ATG4C: variants seen among roughly 807,000 people sequenced by gnomAD.
The protein encoded by ATG4C is cysteine protease ATG4C.
A neutral mutation model predicts 57.6 loss-of-function variants in ATG4C; 56 were observed. The observed-to-expected ratio is 0.97, with a 90% CI of 0.78 to 1.21. The LOEUF is 1.21. ATG4C is among the 50% of genes most tolerant of loss of function. The probability of loss-of-function intolerance (pLI) is 0.00; values close to 1 mark genes in which losing one functional copy is unlikely to be tolerated. For synonymous variants in ATG4C, 157 were observed against 174.1 expected (o/e 0.90, Z 0.78); for missense variants, 595 against 529.8 (o/e 1.12, Z -1.21).
intron 3 of ATG4C, among the ~76,000 whole-genome samples, chr1:62,815,305 A>T (rs890803310): frequency 6.6e-6 from 1 of 151,680 alleles, no homozygotes. Flanking sequence ...TAGTGGTTTA[A>T]GGTTTATAGT....
At chr1:62,858,412 C>G (rs997630883) in intron 10 of ATG4C, among the ~76,000 whole-genome samples, 3 of 152,054 alleles carry the variant, frequency 2.0e-5, no homozygotes, top group Non-Finnish European at 4.4e-5. Flanking sequence ...TCACCTAACC[C>G]CTCAATATTT....
intron 10 of ATG4C, among the ~76,000 whole-genome samples, chr1:62,862,944 T>A (rs1414868861): frequency 6.6e-6 from 1 of 152,058 alleles, no homozygotes; most frequent in Non-Finnish European, 1.5e-5. Context: ...ATATAAATAC[T>A]GTATTCTTTT....
At chr1:62,844,229 G>C (rs1236691635) in intron 10 of ATG4C, among the ~76,000 whole-genome samples, 1 of 152,136 alleles carries the variant, frequency 6.6e-6, no homozygotes, top group Non-Finnish European at 1.5e-5. Flanking sequence ...ACACAGTCTT[G>C]TGTGCCAAAT....
At chr1:62,816,892 T>C (rs1665297170) in intron 4 of ATG4C, 84 bp downstream of exon 4, 4 of 1,044,146 alleles carry the variant, frequency 3.8e-6, no homozygotes, top group Non-Finnish European at 5.4e-6. Flanking sequence ...GCTTACAAAC[T>C]GCATGAAATT....
intron 1 of ATG4C, among the ~76,000 whole-genome samples, chr1:62,793,011 C>T (rs373316277): frequency 2.2e-4 from 33 of 151,836 alleles, no homozygotes; most frequent in African/African-American, 6.8e-4. Context: ...CTTAACCTCC[C>T]GAGTAGCTGG....
In ATG4C at chr1:62,804,607, A is replaced by G. The variant is rs148377594; in HGVS notation, c.77-565A>G. ...TAGACTGTAAAGTTCGTGCACTGAT[A>G]CCTCTGATTTTTCTCCTAGATATTA... is the stretch of plus-strand genomic sequence containing the variant. On this transcript the variant is annotated intron_variant, in intron 2 of 10. Coordinates refer to ENST00000317868, the MANE Select transcript of ATG4C (RefSeq NM_032852.4). Among the ~76,000 whole-genome samples, 33 of 152,154 alleles carry G rather than the reference A, an allele frequency of 2.2e-4. 1 individual carries two copies. In the East Asian group the frequency reaches 6.4e-3, roughly 29 times the overall value.
chr1:62,785,252 C>T (rs147031701), intron 1 of ATG4C: 1 of 152,240 alleles, frequency 6.6e-6, no homozygotes, highest in East Asian at 1.9e-4. Flanking sequence ...AGTGGAAAGG[C>T]TTTGAAAGGT....
chr1:62,820,702 A>G (rs1395884325), intron 5 of ATG4C, among the ~76,000 whole-genome samples: 2 of 152,024 alleles, frequency 1.3e-5, no homozygotes, highest in East Asian at 3.8e-4. Flanking sequence ...ATGAAGGAAA[A>G]AAGTCATGCT....
intron 10 of ATG4C, among the ~76,000 whole-genome samples, chr1:62,849,196 T>A (rs1396795132): frequency 6.6e-6 from 1 of 152,306 alleles, no homozygotes; most frequent in East Asian, 1.9e-4. Context: ...CATACCCAGT[T>A]GACCAGAATG....
At chr1:62,862,997 G>A (rs1332146075) in intron 10 of ATG4C, among the ~76,000 whole-genome samples, 1 of 151,922 alleles carries the variant, frequency 6.6e-6, no homozygotes, top group Non-Finnish European at 1.5e-5. Context: ...CGGAATTCCT[G>A]TGGCCCTGCT....
At chr1:62,861,566 T>C (rs1352759251) in intron 10 of ATG4C, among the ~76,000 whole-genome samples, 1 of 142,292 alleles carries the variant, frequency 7.0e-6, no homozygotes, top group African/African-American at 2.7e-5. Flanking sequence ...GAAAGAAGCT[T>C]GGAAAATAGA....
At chr1:62,857,352 A>C (rs910334224) in intron 10 of ATG4C, among the ~76,000 whole-genome samples, 6 of 152,124 alleles carry the variant, frequency 3.9e-5, no homozygotes, top group Non-Finnish European at 7.3e-5. Flanking sequence ...TCTAGGTTGC[A>C]TGCTCCTTAT....
chr1:62,812,740 A>G (rs1665128158), intron 3 of ATG4C, among the ~76,000 whole-genome samples: 1 of 152,182 alleles, frequency 6.6e-6, no homozygotes, highest in Non-Finnish European at 1.5e-5. Flanking sequence ...TCAGCCCAAA[A>G]TCTCCTTATG....
intron 4 of ATG4C, among the ~76,000 whole-genome samples, chr1:62,817,606 C>T (rs562862156): frequency 6.6e-6 from 1 of 152,192 alleles, no homozygotes; most frequent in Non-Finnish European, 1.5e-5. Flanking sequence ...CTTGTCCTGC[C>T]AAAATATTGG....
At chr1:62,796,046 A>G (rs561960577) in intron 1 of ATG4C, among the ~76,000 whole-genome samples, 61 of 152,220 alleles carry the variant, frequency 4.0e-4, no homozygotes, top group Non-Finnish European at 7.1e-4. Context: ...TTTAACTGCT[A>G]CAGGGATTGA....
At chr1:62,850,856 A>ATATG (rs1666491239) in intron 10 of ATG4C, among the ~76,000 whole-genome samples, 1 of 41,192 alleles carries the variant, frequency 2.4e-5, no homozygotes, top group African/African-American at 1.3e-4. Flanking sequence ...GTATGTATGT[A>ATATG]TATATATATA....
intron 1 of ATG4C, among the ~76,000 whole-genome samples, chr1:62,791,155 C>G (rs1664263054): frequency 6.6e-6 from 1 of 152,078 alleles, no homozygotes; most frequent in African/African-American, 2.4e-5. Context: ...TGAGATATAA[C>G]CACATTCAGC....
At chr1:62,795,162 A>C (rs1664419885) in intron 1 of ATG4C, among the ~76,000 whole-genome samples, 1 of 152,208 alleles carries the variant, frequency 6.6e-6, no homozygotes, top group African/African-American at 2.4e-5. Context: ...CATAGACTTA[A>C]TCCCTAAAGT....
chr1:62,807,188 T>C (rs1248912913), intron 3 of ATG4C, among the ~76,000 whole-genome samples: 1 of 152,212 alleles, frequency 6.6e-6, no homozygotes, highest in Non-Finnish European at 1.5e-5. Context: ...TTCTGCCCCC[T>C]GTTCCTGACT....
Sources: gnomAD v4.1 joint callset for allele counts (sites outside exome capture counted in the v4.1 genomes callset) on GRCh38, gnomAD v4.1.1 for gene constraint, MANE v1.5 for transcripts, NCBI Gene and HGNC (gene_info 2026-07-23, HGNC 2026-07-21) for gene names.